Variants in SELENOK observed in about 807,000 individuals in gnomAD.
SELENOK encodes the protein selenoprotein K.
A neutral mutation model predicts 17.3 loss-of-function variants in SELENOK; 11 were observed. The ratio of observed to expected loss-of-function variants is 0.63; its 90% CI spans 0.40 to 1.05. The LOEUF (loss-of-function observed/expected upper bound fraction) is 1.05, where lower values mean the gene tolerates loss of function less well. SELENOK is among the 50% of genes least tolerant of loss of function. The pLI is 0.00. For synonymous variants in SELENOK, 45 were observed against 35.4 expected (o/e 1.27, Z -0.97); for missense variants, 125 against 113.9 (o/e 1.10, Z -0.44).
Position 53,885,823 on chromosome 3 carries a change from T to C in SELENOK, c.281+3A>G, listed in dbSNP as rs1233495481. ...TACAAAAGAATTTCAGATCTGAAGT[T>C]ACCTTCCTCATCCACCAGCCATTGG... On this transcript the variant is annotated splice_donor_region_variant and intron_variant, in intron 4 of 4. Coordinates refer to ENST00000495461, the MANE Select transcript of SELENOK (RefSeq NM_021237.5). 1.9e-6 allele frequency: 3 copies of C among 1,578,476 alleles called. No individual in the cohort carries two copies. The highest frequency in any genetic ancestry group is 2.6e-6 in the Non-Finnish European group (3 of 1,159,636).
At chr3:53,888,329 A>G (rs1486965212) in intron 2 of SELENOK, 64 bp downstream of exon 2, 1 of 992,646 alleles carries the variant, frequency 1.0e-6, no homozygotes, top group Non-Finnish European at 1.6e-6. Flanking sequence ...TCCCTAACAT[A>G]ATGCACATGA....
At position 53,886,719 on chromosome 3, in the gene SELENOK, C is replaced by T. The variant is rs1700129616; in HGVS notation, c.194+132G>A. 3 of 511,290 alleles carry T rather than the reference C, an allele frequency of 5.9e-6. No individual in the cohort carries two copies. In the African/African-American group the frequency reaches 5.9e-5, roughly 10 times the overall value. The allele number at this position is 511,290 out of a possible 1,614,324, so 31.7% of individuals were successfully genotyped here. On this transcript the variant is annotated intron_variant, in intron 3 of 4. Transcript: ENST00000495461. ...CAGAAGCAATTTGACTTTTAATTTA[C>T]AGTAATGCATTAATTTTGTAAAATA...
chr3:53,885,521 T>A lies in SELENOK; in HGVS notation c.*37A>T, dbSNP rs1290286608. The stretch of plus-strand genomic sequence containing the variant: ...CTTGATGGTTTCCTTCTGCTATGAA[T>A]GCGCATGTCCGGTTGTCTGCTTCTT... On this transcript the variant is annotated 3_prime_UTR_variant, in exon 5 of 5. Coordinates refer to ENST00000495461, the MANE Select transcript of SELENOK (RefSeq NM_021237.5). The A allele has an allele frequency of 6.2e-7, 1 of 1,602,760 alleles. No homozygotes were observed. Among genetic ancestry groups the A allele is most frequent in the Non-Finnish European group, 8.5e-7 (1 of 1,174,392 alleles).
chr3:53,886,356 C>G (rs1559798822), intron 3 of SELENOK, among the ~76,000 whole-genome samples: 1 of 152,148 alleles, frequency 6.6e-6, no homozygotes, highest in African/African-American at 2.4e-5. Context: ...CCTGCCTCAG[C>G]CTCCTGAGTA....
At chr3:53,885,688 C>A in intron 4 of SELENOK, 127 bp from the exon 5 acceptor site, 1 of 1,248,298 alleles carries the variant, frequency 8.0e-7, no homozygotes, top group Non-Finnish European at 1.1e-6. Flanking sequence ...GTGAATTTTT[C>A]AAGGGTTAAG....
intron 2 of SELENOK, 61 bp downstream of exon 2, chr3:53,888,332 G>T: frequency 2.0e-6 from 2 of 1,021,532 alleles, no homozygotes; most frequent in Non-Finnish European, 3.0e-6. Context: ...CTAACATAAT[G>T]CACATGATGT....
At chr3:53,891,571 C>T (rs541816610) in intron 1 of SELENOK, among the ~76,000 whole-genome samples, 199 bp downstream of exon 1, 2 of 152,286 alleles carry the variant, frequency 1.3e-5, no homozygotes, top group South Asian at 4.1e-4. Flanking sequence ...GGCGGGACCT[C>T]GGCCCCCGAC....
At chr3:53,888,276 T>C (rs961677264) in intron 2 of SELENOK, 117 bp downstream of exon 2, 6 of 688,618 alleles carry the variant, frequency 8.7e-6, no homozygotes, top group Admixed American at 2.5e-5. Flanking sequence ...ATTTTTTAAA[T>C]TGCAATAGAA....
rs749878579 is a variant in SELENOK, at chr3:53,885,518, G to A, written c.*40C>T. On this transcript the variant is annotated 3_prime_UTR_variant, in exon 5 of 5. Coordinates refer to ENST00000495461, the MANE Select transcript of SELENOK (RefSeq NM_021237.5). ...CTTCTTGATGGTTTCCTTCTGCTAT[G>A]AATGCGCATGTCCGGTTGTCTGCTT... 10 of 1,599,564 alleles carry A rather than the reference G, an allele frequency of 6.3e-6. No individual in the cohort carries two copies. Among genetic ancestry groups the A allele is most frequent in the Non-Finnish European group, 6.8e-6 (8 of 1,172,524 alleles).
intron 2 of SELENOK, among the ~76,000 whole-genome samples, chr3:53,887,148 G>A (rs1169295172): frequency 6.6e-6 from 1 of 152,100 alleles, no homozygotes; most frequent in Admixed American, 6.5e-5. Context: ...ACCCTTCCTT[G>A]TATTTCTTAT....
Position 53,891,852 on chromosome 3 carries a change from C to T in SELENOK, c.-64G>A, listed in dbSNP as rs1309055086. On this transcript the variant is annotated 5_prime_UTR_variant, in exon 1 of 5. Transcript: ENST00000495461. ...GGCCCCTGTCGGTTTCTGTATCTCC[C>T]TCTGCTCCCCGCCCTTCGAGCGTCA... is the stretch of plus-strand genomic sequence containing the variant. 3 of 1,565,144 alleles carry T rather than the reference C, an allele frequency of 1.9e-6. No homozygotes were observed. Among genetic ancestry groups the T allele is most frequent in the Admixed American group, 3.3e-5 (2 of 59,862 alleles).
rs376032648 is a variant in SELENOK at position 53,887,593 on chromosome 3, C to G, written c.111-659G>C. On this transcript the variant is annotated intron_variant, in intron 2 of 4. Transcript: ENST00000495461. ...AAACTTTCTAAACCACAGCTAAGATCAAATTAAGCATAAAGACCACAGCCT... is the reference window on the plus strand; with the variant it reads ...AAACTTTCTAAACCACAGCTAAGATGAAATTAAGCATAAAGACCACAGCCT... Among the ~76,000 whole-genome samples, 16 of 152,274 alleles carry G rather than the reference C, an allele frequency of 1.1e-4. 1 individual carries two copies. The highest frequency in any genetic ancestry group is 7.7e-4 in the East Asian group (4 of 5,188).
chr3:53,885,894 G>C lies in SELENOK; in HGVS notation c.213C>G (p.Pro71=). 1.3e-6 allele frequency: 2 copies of C among 1,545,988 alleles called. No individual in the cohort carries two copies. The highest frequency in any genetic ancestry group is 1.7e-6 in the Non-Finnish European group (2 of 1,152,094). ...GATGATTGATTCTACCCATTCTTCG[G>C]GGAGGGTTTCCTGGTGGCCTAATAA... is the stretch of plus-strand genomic sequence containing the variant. ...DDGRGPPGNP[P]RRMGRINHLR... is the part of the protein sequence containing the mutation. The change falls in exon 4 of 5, where the codon CCC becomes CCG. Residue 71 remains proline (P), a synonymous_variant. Transcript: ENST00000495461.
At chr3:53,886,425 G>A (rs28715733) in intron 3 of SELENOK, among the ~76,000 whole-genome samples, 11,027 of 152,118 alleles carry the variant, frequency 0.072, 610 homozygotes, top group Middle Eastern at 0.16. Flanking sequence ...TAGTAGAGAC[G>A]GGGTTTCATC....
chr3:53,890,296 A>C (rs1361144625), intron 1 of SELENOK, among the ~76,000 whole-genome samples: 1 of 152,204 alleles, frequency 6.6e-6, no homozygotes, highest in Non-Finnish European at 1.5e-5. Context: ...GAAAAAAAAA[A>C]GTCATCTGAC....
At chr3:53,891,300 T>A (rs947428107) in intron 1 of SELENOK, among the ~76,000 whole-genome samples, 21 of 152,202 alleles carry the variant, frequency 1.4e-4, no homozygotes, top group Non-Finnish European at 2.6e-4. Flanking sequence ...CCTCTGTGAC[T>A]TAAATAGCCC....
At chr3:53,888,301 A>G in intron 2 of SELENOK, 92 bp downstream of exon 2, 1 of 800,564 alleles carries the variant, frequency 1.2e-6, no homozygotes, top group Non-Finnish European at 2.1e-6. Flanking sequence ...GTTTCAGGAA[A>G]GTTGAGCTTA....
intron 1 of SELENOK, 74 bp downstream of exon 1, chr3:53,891,696 G>C: frequency 6.3e-7 from 1 of 1,581,914 alleles, no homozygotes; most frequent in East Asian, 2.2e-5. Flanking sequence ...AAGACTCAGC[G>C]AGCGACGATG....
intron 1 of SELENOK, 72 bp downstream of exon 1, chr3:53,891,698 G>A (rs1700170227): frequency 6.3e-7 from 1 of 1,582,144 alleles, no homozygotes; most frequent in African/African-American, 1.3e-5. Flanking sequence ...GACTCAGCGA[G>A]CGACGATGAA....
Sources: allele counts gnomAD v4.1 joint callset (sites outside exome capture counted in the v4.1 genomes callset), GRCh38; gene constraint gnomAD v4.1.1; transcripts MANE v1.5; gene names NCBI Gene and HGNC (gene_info 2026-07-23, HGNC 2026-07-21).